TCF12: variants seen among roughly 807,000 people sequenced by gnomAD.
TCF12 encodes DNA-binding protein HTF4.
TCF12 carries 45 observed loss-of-function variants against 86.0 expected under a neutral mutation model. The ratio of observed to expected loss-of-function variants is 0.52; its 90% confidence interval spans 0.41 to 0.67. The LOEUF (loss-of-function observed/expected upper bound fraction) is 0.67, where lower values mean the gene tolerates loss of function less well. Ranked by LOEUF, TCF12 falls within the 30% of genes least tolerant of loss-of-function variation. The probability of loss-of-function intolerance (pLI) is 0.00; values close to 1 mark genes in which losing one functional copy is unlikely to be tolerated. For missense variants in TCF12, 881 were observed against 859.9 expected (o/e 1.02, Z -0.31); for synonymous variants, 330 against 299.6 (o/e 1.10, Z -1.05).
chr15:57,231,719 C>T (rs2059148392), intron 9 of TCF12, among the ~76,000 whole-genome samples: 1 of 152,022 alleles, frequency 6.6e-6, no homozygotes. Flanking sequence ...TATTTGGTCT[C>T]CTGTGGTTTT....
At chr15:57,148,411 TAA>T (rs71113069) in intron 5 of TCF12, among the ~76,000 whole-genome samples, 4 of 144,750 alleles carry the variant, frequency 2.8e-5, no homozygotes, top group African/African-American at 5.1e-5. Flanking sequence ...AGACTTTGTT[TAA>T]AAAAAAAAAA....
intron 3 of TCF12, among the ~76,000 whole-genome samples, chr15:56,996,768 G>A (rs1398921249): frequency 1.3e-5 from 2 of 151,244 alleles, no homozygotes; most frequent in African/African-American, 4.9e-5. Flanking sequence ...AAATCTTAAG[G>A]AACTTAAATC....
intron 5 of TCF12, among the ~76,000 whole-genome samples, chr15:57,162,985 C>A (rs981380237): frequency 6.6e-6 from 1 of 151,868 alleles, no homozygotes; most frequent in African/African-American, 2.4e-5. Context: ...ACCAGCCTGG[C>A]CAACATAGTG....
At chr15:57,225,985 A>T (rs369019551) in intron 8 of TCF12, among the ~76,000 whole-genome samples, 4 of 149,948 alleles carry the variant, frequency 2.7e-5, no homozygotes, top group African/African-American at 9.7e-5. Flanking sequence ...AACATTAGGT[A>T]TATCTCCTAA....
chr15:57,004,134 TTTAGCTGTATAA>T (rs2064208318), intron 3 of TCF12, among the ~76,000 whole-genome samples: 1 of 152,218 alleles, frequency 6.6e-6, no homozygotes, highest in Admixed American at 6.5e-5. Flanking sequence ...TATAATTAAT[TTTAGCTGTATAA>T]TTATTCTCTT....
At chr15:57,142,928 A>G (rs2053086540) in intron 5 of TCF12, among the ~76,000 whole-genome samples, 1 of 152,218 alleles carries the variant, frequency 6.6e-6, no homozygotes, top group African/African-American at 2.4e-5. Flanking sequence ...GTTGACGAGA[A>G]TGAATAAGAC....
At chr15:57,047,695 AC>A (rs1488905661) in intron 3 of TCF12, among the ~76,000 whole-genome samples, 2 of 152,148 alleles carry the variant, frequency 1.3e-5, no homozygotes, top group Admixed American at 6.5e-5. Flanking sequence ...AACTGAAAAA[AC>A]CTTTTTTCCT....
intron 4 of TCF12, among the ~76,000 whole-genome samples, chr15:57,082,853 A>G (rs1404302699): frequency 2.6e-5 from 4 of 152,220 alleles, no homozygotes; most frequent in Admixed American, 2.0e-4. Flanking sequence ...TCGTACAAGG[A>G]GACATATTCC....
chr15:57,257,944 C>T (rs928583901), intron 16 of TCF12, among the ~76,000 whole-genome samples: 6 of 152,094 alleles, frequency 3.9e-5, no homozygotes, highest in Admixed American at 6.5e-5. Flanking sequence ...TAAGGCTAAA[C>T]TTTTAGAATA....
chr15:57,098,410 G>T (rs954507548), intron 5 of TCF12, among the ~76,000 whole-genome samples: 1 of 152,002 alleles, frequency 6.6e-6, no homozygotes, highest in Non-Finnish European at 1.5e-5. Context: ...CTGAGTTGTT[G>T]AGTACCTTCC....
intron 6 of TCF12, among the ~76,000 whole-genome samples, chr15:57,182,111 C>T (rs1229785946): frequency 6.6e-6 from 1 of 152,246 alleles, no homozygotes; most frequent in South Asian, 2.1e-4. Flanking sequence ...CCTCTGGGAT[C>T]GTTCTGTATT....
chr15:56,960,375 G>A (rs1044480514), intron 3 of TCF12, among the ~76,000 whole-genome samples: 1 of 151,540 alleles, frequency 6.6e-6, no homozygotes, highest in Non-Finnish European at 1.5e-5. Flanking sequence ...GATATTTCAG[G>A]TATTTTGATG....
intron 6 of TCF12, among the ~76,000 whole-genome samples, chr15:57,189,138 A>C (rs1343272447): frequency 1.3e-5 from 2 of 152,196 alleles, no homozygotes; most frequent in Non-Finnish European, 2.9e-5. Flanking sequence ...AAGAGCAAAA[A>C]ACTATAAAAT....
At chr15:57,043,130 TTTTC>T (rs1281634617) in intron 3 of TCF12, among the ~76,000 whole-genome samples, 6 of 152,208 alleles carry the variant, frequency 3.9e-5, no homozygotes, top group South Asian at 2.1e-4. Context: ...GTGTACCACA[TTTTC>T]TTTATTTTTT....
rs2062032487 is a variant in TCF12, at chr15:57,289,436, C to A, written c.*3291C>A. 6.6e-6 allele frequency: 1 copy of A among 152,196 alleles called. No individual in the cohort carries two copies. The highest frequency in any genetic ancestry group is 2.1e-4 in the South Asian group (1 of 4,832). The allele number at this position is 152,196 out of a possible 1,614,324, so 9.4% of individuals were successfully genotyped here. Reference sequence around the variant, plus strand: ...TAGTAACAGATCAAGACACTTAAAACTTTCCCTACAAAACCTCCCTGCCTT... The same window carrying A: ...TAGTAACAGATCAAGACACTTAAAAATTTCCCTACAAAACCTCCCTGCCTT... On this transcript the variant is annotated 3_prime_UTR_variant, in exon 21 of 21. Coordinates refer to ENST00000333725, the MANE Select transcript of TCF12 (RefSeq NM_207037.2).
chr15:57,071,528 G>A (rs549262394), intron 4 of TCF12, among the ~76,000 whole-genome samples: 16 of 152,102 alleles, frequency 1.1e-4, no homozygotes, highest in South Asian at 1.0e-3. Context: ...CCAGTTACTC[G>A]GGAGGCTCAG....
chr15:57,190,591 T>C (rs2056927767), intron 6 of TCF12, among the ~76,000 whole-genome samples: 1 of 152,158 alleles, frequency 6.6e-6, no homozygotes, highest in Non-Finnish European at 1.5e-5. Context: ...CTCCTGTCTT[T>C]CAAGTCTCTG....
In TCF12 at chr15:56,925,914, C is replaced by T. The variant is rs187378259; in HGVS notation, c.148+4816C>T. On this transcript the variant is annotated intron_variant, in intron 3 of 20. Transcript: ENST00000333725. ...AGTCTGCTTTGTTAAATAGTTGTGC[C>T]ATAAGTATCTCATTTTTATCAGTTA... Among the ~76,000 whole-genome samples, 121 of 152,240 alleles carry T rather than the reference C, an allele frequency of 7.9e-4. 2 individuals are homozygous for T. The highest frequency in any genetic ancestry group is 2.8e-3 in the African/African-American group (116 of 41,548).
intron 3 of TCF12, among the ~76,000 whole-genome samples, chr15:57,015,813 C>G (rs1363637894): frequency 2.0e-5 from 3 of 152,216 alleles, no homozygotes; most frequent in Non-Finnish European, 2.9e-5. Flanking sequence ...TGATTTATAT[C>G]TTACTTGTGG....
Sources: gnomAD v4.1 joint callset for allele counts (sites outside exome capture counted in the v4.1 genomes callset) on GRCh38, gnomAD v4.1.1 for gene constraint, MANE v1.5 for transcripts, NCBI Gene and HGNC (gene_info 2026-07-23, HGNC 2026-07-21) for gene names.